Variants in CNTNAP2 observed in about 807,000 individuals in gnomAD.
CNTNAP2 encodes the protein contactin-associated protein-like 2.
A neutral mutation model predicts 155.2 loss-of-function variants in CNTNAP2; 98 were observed. The ratio of observed to expected loss-of-function variants is 0.63; its 90% CI spans 0.54 to 0.75. The LOEUF (loss-of-function observed/expected upper bound fraction) is 0.75. Among genes scored for constraint, CNTNAP2 ranks in the 30% least tolerant of loss-of-function variants. CNTNAP2 has a pLI of 0.00. For missense variants in CNTNAP2, 1,727 were observed against 1,688.1 expected, an observed-to-expected ratio of 1.02 and a Z score of -0.40; for synonymous variants, 651 against 631.2, an observed-to-expected ratio of 1.03 and a Z score of -0.47.
At chr7:147,170,875 T>A (rs1292639265) in intron 8 of CNTNAP2, among the ~76,000 whole-genome samples, 1 of 152,100 alleles carries the variant, frequency 6.6e-6, no homozygotes, top group African/African-American at 2.4e-5. Context: ...GCGGGACAGA[T>A]GTGCCTCAGT....
At chr7:147,096,338 G>A (rs1800533097) in intron 4 of CNTNAP2, among the ~76,000 whole-genome samples, 1 of 152,184 alleles carries the variant, frequency 6.6e-6, no homozygotes, top group African/African-American at 2.4e-5. Context: ...CCTTGAAAAT[G>A]TATTGTTTGA....
At chr7:147,665,821 A>C (rs943487676) in intron 13 of CNTNAP2, among the ~76,000 whole-genome samples, 32 of 152,222 alleles carry the variant, frequency 2.1e-4, no homozygotes, top group Admixed American at 1.4e-3. Context: ...GTACGGCTGC[A>C]TAGTATTCCA....
intron 21 of CNTNAP2, among the ~76,000 whole-genome samples, chr7:148,270,713 C>T (rs1410004693): frequency 6.6e-6 from 1 of 152,200 alleles, no homozygotes; most frequent in Non-Finnish European, 1.5e-5. Flanking sequence ...AGCTGCAATC[C>T]TCACATATCT....
chr7:148,124,539 G>A (rs1804672634), intron 16 of CNTNAP2, among the ~76,000 whole-genome samples: 1 of 152,100 alleles, frequency 6.6e-6, no homozygotes, highest in Admixed American at 6.5e-5. Flanking sequence ...GGAGGCGCTG[G>A]GGAAGCTGAG....
chr7:148,062,020 A>T (rs1803164256), intron 15 of CNTNAP2, among the ~76,000 whole-genome samples: 2 of 137,648 alleles, frequency 1.5e-5, no homozygotes, highest in Non-Finnish European at 3.1e-5. Context: ...ATAGAGAGAG[A>T]GAGAGAGAGT....
intron 16 of CNTNAP2, among the ~76,000 whole-genome samples, chr7:148,129,536 A>C (rs1414380150): frequency 6.6e-6 from 1 of 152,210 alleles, no homozygotes; most frequent in Non-Finnish European, 1.5e-5. Context: ...AGATATGCAC[A>C]TTTTACCGTG....
chr7:146,772,884 C>G (rs1011024054), intron 1 of CNTNAP2, among the ~76,000 whole-genome samples: 3 of 152,080 alleles, frequency 2.0e-5, no homozygotes, highest in African/African-American at 7.2e-5. Context: ...AGTTCACTTA[C>G]AGTTTGAAAA....
intron 11 of CNTNAP2, among the ~76,000 whole-genome samples, chr7:147,534,476 C>T (rs1005514325): frequency 2.6e-5 from 4 of 152,246 alleles, no homozygotes; most frequent in South Asian, 2.1e-4. Flanking sequence ...TACCCTTACA[C>T]GGAACAGGAT....
At chr7:146,768,200 C>A (rs1802231107) in intron 1 of CNTNAP2, among the ~76,000 whole-genome samples, 1 of 151,960 alleles carries the variant, frequency 6.6e-6, no homozygotes, top group East Asian at 2.0e-4. Context: ...AACAAACTTG[C>A]CTTCTGCTTC....
intron 1 of CNTNAP2, among the ~76,000 whole-genome samples, chr7:146,416,289 T>A (rs1450802067): frequency 6.6e-6 from 1 of 150,426 alleles, no homozygotes; most frequent in Non-Finnish European, 1.5e-5. Context: ...TATATATACC[T>A]ATATATATAA....
At chr7:146,552,755 C>T (rs1563132087) in intron 1 of CNTNAP2, among the ~76,000 whole-genome samples, 1 of 152,086 alleles carries the variant, frequency 6.6e-6, no homozygotes, top group Non-Finnish European at 1.5e-5. Context: ...CCTCTGCTCT[C>T]TCCTTTAGTC....
chr7:147,144,736 G>A (rs1425859119), intron 8 of CNTNAP2, among the ~76,000 whole-genome samples: 1 of 152,128 alleles, frequency 6.6e-6, no homozygotes, highest in Admixed American at 6.6e-5. Context: ...ACTGCCCATA[G>A]CAGTTTTGTA....
chr7:146,663,744 C>A (rs1381305735), intron 1 of CNTNAP2, among the ~76,000 whole-genome samples: 1 of 152,122 alleles, frequency 6.6e-6, no homozygotes, highest in Non-Finnish European at 1.5e-5. Flanking sequence ...GTTTTAGCAG[C>A]TTTTCTGTAA....
At chr7:148,402,793 T>C (rs1799617505) in intron 22 of CNTNAP2, among the ~76,000 whole-genome samples, 1 of 152,146 alleles carries the variant, frequency 6.6e-6, no homozygotes, top group African/African-American at 2.4e-5. Flanking sequence ...ACTCCAGTGG[T>C]TTCCATGGAG....
intron 1 of CNTNAP2, among the ~76,000 whole-genome samples, chr7:146,730,258 C>T (rs1278609757): frequency 1.3e-5 from 2 of 152,114 alleles, no homozygotes; most frequent in Non-Finnish European, 2.9e-5. Flanking sequence ...TTCCCTACTC[C>T]AATAAAAATT....
intron 3 of CNTNAP2, among the ~76,000 whole-genome samples, chr7:146,879,236 A>G (rs1795489845): frequency 6.6e-6 from 1 of 152,180 alleles, no homozygotes; most frequent in South Asian, 2.1e-4. Context: ...TATTATCAAT[A>G]GATGTTGGCA....
At chr7:147,769,420 G>T (rs771162497) in intron 13 of CNTNAP2, among the ~76,000 whole-genome samples, 1 of 152,046 alleles carries the variant, frequency 6.6e-6, no homozygotes, top group South Asian at 2.1e-4. Flanking sequence ...TTTTTCTTCT[G>T]TTTGATTATT....
chr7:147,747,720 T>G (rs1240512252), intron 13 of CNTNAP2, among the ~76,000 whole-genome samples: 1 of 152,226 alleles, frequency 6.6e-6, no homozygotes, highest in African/African-American at 2.4e-5. Flanking sequence ...ACTAACACTG[T>G]TTGATCGTTT....
intron 1 of CNTNAP2, among the ~76,000 whole-genome samples, chr7:146,220,703 A>G (rs1195036678): frequency 1.1e-4 from 17 of 152,230 alleles, no homozygotes; most frequent in Non-Finnish European, 1.5e-5. Context: ...TCTGATTAAT[A>G]CTAATATAAT....
Sources: gnomAD v4.1 joint callset for allele counts (sites outside exome capture counted in the v4.1 genomes callset) on GRCh38, gnomAD v4.1.1 for gene constraint, MANE v1.5 for transcripts, NCBI Gene and HGNC (gene_info 2026-07-23, HGNC 2026-07-21) for gene names.